Variants in ITPR1 observed in about 807,000 individuals in gnomAD.
ITPR1 encodes the protein inositol 1,4,5-trisphosphate-gated calcium channel ITPR1.
ITPR1 carries 96 observed loss-of-function variants against 318.4 expected under a neutral mutation model. That is an observed-to-expected ratio of 0.30 (90% CI 0.26 to 0.36). ITPR1 has a LOEUF of 0.36. Among genes scored for constraint, ITPR1 ranks in the 10% least tolerant of loss-of-function variants. ITPR1 has a pLI of 1.00. For missense variants in ITPR1, 2,440 were observed against 3,460.2 expected (o/e 0.71, Z 7.40); for synonymous variants, 1,312 against 1,289.9 (o/e 1.02, Z -0.37).
chr3:4,639,508 G>A (rs766983407), intron 6 of ITPR1, 38 bp downstream of exon 6: 57 of 1,428,690 alleles, frequency 4.0e-5, no homozygotes, highest in Admixed American at 3.7e-4. Flanking sequence ...AAGCTGAAGC[G>A]TTACAAAGAA....
intron 4 of ITPR1, among the ~76,000 whole-genome samples, chr3:4,624,528 G>A (rs754503055): frequency 1.3e-5 from 2 of 152,004 alleles, no homozygotes; most frequent in African/African-American, 2.4e-5. Flanking sequence ...AATTAGCTGG[G>A]CATGGTGGTG....
At chr3:4,548,141 T>A (rs1473938254) in intron 4 of ITPR1, among the ~76,000 whole-genome samples, 1 of 152,220 alleles carries the variant, frequency 6.6e-6, no homozygotes, top group Non-Finnish European at 1.5e-5. Context: ...TAAGACTTTA[T>A]CTGACTGTAA....
intron 4 of ITPR1, among the ~76,000 whole-genome samples, chr3:4,535,580 C>CTA (rs957278027): frequency 1.3e-5 from 2 of 151,258 alleles, no homozygotes; most frequent in African/African-American, 4.8e-5. Context: ...GTAGCTGGGA[C>CTA]TACAGGTGCC....
At chr3:4,630,332 A>G (rs541506620) in intron 5 of ITPR1, among the ~76,000 whole-genome samples, 1 of 152,170 alleles carries the variant, frequency 6.6e-6, no homozygotes, top group South Asian at 2.1e-4. Context: ...CACAAAAGAC[A>G]TAATCTCAAG....
intron 61 of ITPR1, among the ~76,000 whole-genome samples, chr3:4,841,583 C>T (rs1029581362): frequency 6.6e-6 from 1 of 152,168 alleles, no homozygotes; most frequent in Non-Finnish European, 1.5e-5. Context: ...GAGTGGGAAA[C>T]AAGTAAACAG....
intron 51 of ITPR1, among the ~76,000 whole-genome samples, chr3:4,786,993 C>T (rs2047235813): frequency 6.6e-6 from 1 of 152,132 alleles, no homozygotes; most frequent in Non-Finnish European, 1.5e-5. Context: ...AGTGTACTCT[C>T]CAACATGATA....
At chr3:4,812,143 C>T (rs2048979482) in intron 56 of ITPR1, among the ~76,000 whole-genome samples, 1 of 151,366 alleles carries the variant, frequency 6.6e-6, no homozygotes, top group Non-Finnish European at 1.5e-5. Flanking sequence ...CGAGCTCAAG[C>T]AATCCTCCCA....
chr3:4,809,134 G>C (rs532353890), intron 55 of ITPR1, among the ~76,000 whole-genome samples: 147 of 152,108 alleles, frequency 9.7e-4, no homozygotes, highest in Non-Finnish European at 1.6e-3. Flanking sequence ...GTGAGAGTGG[G>C]GTAAAATGGG....
intron 5 of ITPR1, among the ~76,000 whole-genome samples, chr3:4,629,687 A>G (rs772816848): frequency 2.6e-5 from 4 of 152,252 alleles, no homozygotes; most frequent in Non-Finnish European, 5.9e-5. Context: ...AATATCAAAG[A>G]ATAAAGAGGC....
intron 4 of ITPR1, among the ~76,000 whole-genome samples, chr3:4,589,701 G>A (rs1036326871): frequency 4.6e-5 from 7 of 151,872 alleles, no homozygotes; most frequent in African/African-American, 1.7e-4. Flanking sequence ...CACCTCATGT[G>A]GAACAGAATC....
At position 4,768,625 on chromosome 3, in the gene ITPR1, A is replaced by C. The variant is rs763857989; in HGVS notation, c.5840A>C (p.His1947Pro). ...AGGAGGGAGGCTGATCCCGACGACC[A>C]CTACCAGCCTGGAGAGGGCACCCAG... ...TFRREADPDD[H>P]YQPGEGTQAT... Residue 1947 changes from histidine to proline, a missense_variant, in exon 46 of 62, where the codon CAC becomes CCC. Physicochemically the swap from His to Pro is moderately conservative, Grantham distance 77. Transcript: ENST00000649015. The C allele has an allele frequency of 1.2e-6, 2 of 1,614,046 alleles. No individual in the cohort carries two copies. The highest frequency in any genetic ancestry group is 1.7e-6 in the Non-Finnish European group (2 of 1,179,902).
intron 55 of ITPR1, among the ~76,000 whole-genome samples, chr3:4,808,903 C>T (rs1462642036): frequency 6.6e-6 from 1 of 152,136 alleles, no homozygotes; most frequent in Non-Finnish European, 1.5e-5. Context: ...CGTGAGCCTG[C>T]ATTAAAGCTG....
At position 4,522,780 on chromosome 3, in the gene ITPR1, A is replaced by G. The variant is rs142638033; in HGVS notation, c.163+1686A>G. 3.5e-3 allele frequency among the ~76,000 whole-genome samples: 538 copies of G among 152,362 alleles called. 2 individuals are homozygous for G. The highest frequency in any genetic ancestry group is 6.8e-3 in the Middle Eastern group (2 of 294). ...AATTGACTGTGCCAGGCCCTGTGCT[A>G]AGCACTCTGCCTGCATTAGCTCAGG... is the stretch of plus-strand genomic sequence containing the variant. On this transcript the variant is annotated intron_variant, in intron 4 of 61. Transcript: ENST00000649015.
At chr3:4,668,602 C>T (rs748019104) in intron 18 of ITPR1, among the ~76,000 whole-genome samples, 13 of 151,984 alleles carry the variant, frequency 8.6e-5, no homozygotes, top group Non-Finnish European at 1.8e-4. Context: ...CCAGTAGCTG[C>T]GACTACAGGC....
At chr3:4,591,844 A>AT (rs914552766) in intron 4 of ITPR1, among the ~76,000 whole-genome samples, 3 of 150,956 alleles carry the variant, frequency 2.0e-5, no homozygotes, top group African/African-American at 7.3e-5. Flanking sequence ...AACGTGGCTG[A>AT]TTTTTTTTTT....
At chr3:4,496,483 A>G (rs929839530) in intron 2 of ITPR1, among the ~76,000 whole-genome samples, 2 of 152,194 alleles carry the variant, frequency 1.3e-5, no homozygotes, top group Non-Finnish European at 1.5e-5. Context: ...AGACCCATGA[A>G]AGTCATTTGG....
chr3:4,689,067 G>A (rs1039623067), intron 31 of ITPR1, among the ~76,000 whole-genome samples: 1 of 152,102 alleles, frequency 6.6e-6, no homozygotes, highest in African/African-American at 2.4e-5. Flanking sequence ...TGTATTGTAG[G>A]TTTTGTAAAG....
chr3:4,569,566 T>C (rs2125033928), intron 4 of ITPR1, among the ~76,000 whole-genome samples: 1 of 152,372 alleles, frequency 6.6e-6, no homozygotes, highest in East Asian at 1.9e-4. Context: ...CTCAAATCTC[T>C]GATGCCTTTT....
intron 6 of ITPR1, 87 bp from the exon 7 acceptor site, chr3:4,642,006 T>G (rs2093350209): frequency 9.3e-7 from 1 of 1,079,638 alleles, no homozygotes; most frequent in East Asian, 2.7e-5. Flanking sequence ...GAGGAATGTT[T>G]GCTACATAGT....
Sources: gnomAD v4.1 joint callset for allele counts (sites outside exome capture counted in the v4.1 genomes callset) on GRCh38, gnomAD v4.1.1 for gene constraint, MANE v1.5 for transcripts, NCBI Gene and HGNC (gene_info 2026-07-23, HGNC 2026-07-21) for gene names.